PHC3: variants seen among roughly 807,000 people sequenced by gnomAD.
The protein encoded by PHC3 is polyhomeotic-like protein 3.
PHC3 carries 13 observed loss-of-function variants against 107.4 expected under a neutral mutation model. That is an observed-to-expected ratio of 0.12 (90% CI 0.08 to 0.19). The LOEUF (loss-of-function observed/expected upper bound fraction) is 0.19. PHC3 is among the 10% of genes least tolerant of loss of function. PHC3 has a pLI of 1.00. For synonymous variants in PHC3, 456 were observed against 427.4 expected, an observed-to-expected ratio of 1.07 and a Z score of -0.83; for missense variants, 992 against 1,210.9, an observed-to-expected ratio of 0.82 and a Z score of 2.68.
chr3:170,129,170 T>C lies in PHC3; in HGVS notation c.1302A>G (p.Pro434=), dbSNP rs767756991. The part of the protein sequence containing the change: ...IIIHPQALIQ[P]HPLVSSALQP... ...GGAGAGCTGATGACACAAGAGGGTG[T>C]GGCTGAATAAGTGCTTGTGGATGAA... The change falls in exon 8 of 15, where the codon CCA becomes CCG. Residue 434 remains proline (P), a synonymous_variant. Transcript: ENST00000495893. 17 of 1,613,968 alleles carry C rather than the reference T, an allele frequency of 1.1e-5. 1 individual carries two copies. The highest frequency in any genetic ancestry group is 7.7e-5 in the South Asian group (7 of 91,080).
rs887499496 is a variant in PHC3, at chr3:170,119,485, T to C, written c.1943-2009A>G. Among the ~76,000 whole-genome samples the C allele has an allele frequency of 2.4e-4, 36 of 152,188 alleles. 1 individual carries two copies. The highest frequency in any genetic ancestry group is 1.4e-3 in the Admixed American group (21 of 15,282). ...CTAAATTTTGTTCAAAATAGAGCTA[T>C]AAATTACTAACTTTTTGAAGATGGT... On this transcript the variant is annotated intron_variant, in intron 9 of 14. Coordinates refer to ENST00000495893, the MANE Select transcript of PHC3 (RefSeq NM_024947.4).
At chr3:170,178,661 T>C (rs1730906198) in intron 2 of PHC3, 112 bp downstream of exon 2, 2 of 1,177,564 alleles carry the variant, frequency 1.7e-6, no homozygotes, top group Non-Finnish European at 2.5e-6. Context: ...ATTGAAACAT[T>C]AGTAATTCTA....
At chr3:170,109,976 A>T (rs1717312785) in intron 11 of PHC3, among the ~76,000 whole-genome samples, 1 of 152,126 alleles carries the variant, frequency 6.6e-6, no homozygotes, top group Admixed American at 6.6e-5. Context: ...TAAAACTAGA[A>T]AGTATTTAAA....
chr3:170,126,523 T>TAC (rs1721282262), intron 8 of PHC3, among the ~76,000 whole-genome samples: 1 of 80,054 alleles, frequency 1.2e-5, no homozygotes, highest in Non-Finnish European at 2.4e-5. Context: ...TATATATATA[T>TAC]ATATATTTTT....
At chr3:170,165,101 G>A (rs1365135105) in intron 4 of PHC3, among the ~76,000 whole-genome samples, 1 of 152,182 alleles carries the variant, frequency 6.6e-6, no homozygotes, top group Admixed American at 6.5e-5. Context: ...TAGATAGAGA[G>A]GCTTCAGTAG....
intron 2 of PHC3, among the ~76,000 whole-genome samples, chr3:170,174,329 C>G (rs1473100819): frequency 2.0e-5 from 3 of 152,080 alleles, no homozygotes; most frequent in Non-Finnish European, 2.9e-5. Flanking sequence ...TAAAACTATT[C>G]TTACTTAATT....
At chr3:170,104,355 A>G (rs903851076) in intron 12 of PHC3, among the ~76,000 whole-genome samples, 46 of 152,148 alleles carry the variant, frequency 3.0e-4, no homozygotes, top group African/African-American at 1.1e-3. Flanking sequence ...TCTAAGAAAC[A>G]AATTTCTGAA....
intron 10 of PHC3, among the ~76,000 whole-genome samples, chr3:170,115,357 T>C (rs1255834954): frequency 6.6e-6 from 1 of 152,156 alleles, no homozygotes; most frequent in Non-Finnish European, 1.5e-5. Context: ...ATTATATGTA[T>C]GTATCTATAA....
rs1227931168 is a variant in PHC3, at chr3:170,136,304, A to T, written c.919+115T>A. 8.8e-6 allele frequency: 11 copies of T among 1,257,016 alleles called. 1 individual carries two copies. The South Asian group carries it at 1.6e-4, about 19-fold the overall frequency. The allele number at this position is 1,257,016 out of a possible 1,614,324, so 77.9% of individuals were successfully genotyped here. ...TTAAGATTAAGTTTATAAAATTCAC[A>T]TTTTAAAATGTTTTAAAGGTGTCAC... On this transcript the variant is annotated intron_variant, in intron 7 of 14. Transcript: ENST00000495893.
At chr3:170,128,454 C>T (rs779354674) in intron 8 of PHC3, 30 of 1,208,976 alleles carry the variant, frequency 2.5e-5, no homozygotes, top group Non-Finnish European at 3.3e-5. Flanking sequence ...ATAAAATTAA[C>T]GAGGGACTTT....
chr3:170,181,195 C>G (rs923831831), intron 1 of PHC3, among the ~76,000 whole-genome samples: 1 of 152,190 alleles, frequency 6.6e-6, no homozygotes, highest in African/African-American at 2.4e-5. Flanking sequence ...GCCTCCGGCA[C>G]GAGGGAAGCG....
intron 5 of PHC3, among the ~76,000 whole-genome samples, chr3:170,146,320 A>G (rs1478526628): frequency 1.3e-5 from 2 of 151,728 alleles, no homozygotes; most frequent in African/African-American, 4.8e-5. Flanking sequence ...GGTTGCAGTC[A>G]GCTGAGATCA....
At chr3:170,117,187 T>G (rs1340919152) in intron 10 of PHC3, 39 bp downstream of exon 10, 5 of 1,611,894 alleles carry the variant, frequency 3.1e-6, no homozygotes, top group Non-Finnish European at 4.2e-6. Context: ...TAATGTTATA[T>G]AAATTACAAA....
At chr3:170,110,592 C>A (rs533645280) in intron 11 of PHC3, among the ~76,000 whole-genome samples, 4 of 152,142 alleles carry the variant, frequency 2.6e-5, no homozygotes, top group Non-Finnish European at 5.9e-5. Flanking sequence ...ACTATACCAT[C>A]TGTAGCTCCT....
At chr3:170,109,831 T>C (rs1405846230) in intron 11 of PHC3, among the ~76,000 whole-genome samples, 1 of 152,156 alleles carries the variant, frequency 6.6e-6, no homozygotes, top group Non-Finnish European at 1.5e-5. Flanking sequence ...AGGTTTTTTA[T>C]GTTGAAACTA....
rs1464325861 is a variant in PHC3, at chr3:170,090,738, A to G, written c.*6492T>C. On this transcript the variant is annotated 3_prime_UTR_variant, in exon 15 of 15. Transcript: ENST00000495893. The stretch of plus-strand genomic sequence containing the variant: ...AAATCAACTTTTGAGTAGTACAGGC[A>G]CCATACTGCATATCTGGAAGCTGTT... 6.6e-6 allele frequency: 1 copy of G among 152,138 alleles called. No individual in the cohort carries two copies. The highest frequency in any genetic ancestry group is 1.5e-5 in the Non-Finnish European group (1 of 68,026). The allele number at this position is 152,138 out of a possible 1,614,324, so 9.4% of individuals were successfully genotyped here.
chr3:170,120,838 G>A (rs915102821), intron 9 of PHC3, among the ~76,000 whole-genome samples: 6 of 152,150 alleles, frequency 3.9e-5, no homozygotes, highest in Non-Finnish European at 8.8e-5. Flanking sequence ...TTCCATGCCT[G>A]TTGTAGCAGT....
At chr3:170,157,456 A>G (rs1315812570) in intron 4 of PHC3, among the ~76,000 whole-genome samples, 1 of 152,240 alleles carries the variant, frequency 6.6e-6, no homozygotes, top group African/African-American at 2.4e-5. Flanking sequence ...ACAAAAATGC[A>G]GTAAAGCTGC....
intron 11 of PHC3, among the ~76,000 whole-genome samples, chr3:170,112,643 C>T (rs1270445087): frequency 1.3e-5 from 2 of 151,536 alleles, no homozygotes; most frequent in Non-Finnish European, 2.9e-5. Context: ...CCTGCCTCAG[C>T]CTCCCAAGTA....
Sources: allele counts gnomAD v4.1 joint callset (sites outside exome capture counted in the v4.1 genomes callset), GRCh38; gene constraint gnomAD v4.1.1; transcripts MANE v1.5; gene names NCBI Gene and HGNC (gene_info 2026-07-23, HGNC 2026-07-21).